THSD7B: variants seen among roughly 807,000 people sequenced by gnomAD.
THSD7B encodes thrombospondin type-1 domain-containing protein 7B.
A neutral mutation model predicts 213.6 loss-of-function variants in THSD7B; 138 were observed. That is an observed-to-expected ratio of 0.65 (90% CI 0.56 to 0.74). The LOEUF is 0.74. Among genes scored for constraint, THSD7B ranks in the 30% least tolerant of loss-of-function variants. The pLI, the probability that THSD7B is intolerant of heterozygous loss-of-function variation, is 0.00. For missense variants in THSD7B, 1,931 were observed against 1,991.5 expected (o/e 0.97, Z 0.58); for synonymous variants, 742 against 687.0 (o/e 1.08, Z -1.25).
intron 12 of THSD7B, among the ~76,000 whole-genome samples, chr2:137,296,237 T>C (rs16838682): frequency 0.027 from 4,078 of 152,282 alleles, 213 homozygotes; most frequent in African/African-American, 0.092. Flanking sequence ...GAATCCTTTG[T>C]TTTATGCTCA....
chr2:137,147,322 C>T (rs1465294630), intron 5 of THSD7B, among the ~76,000 whole-genome samples: 1 of 152,138 alleles, frequency 6.6e-6, no homozygotes, highest in Non-Finnish European at 1.5e-5. Flanking sequence ...ACTCTTGTTC[C>T]TGTCACTTCT....
chr2:136,844,235 C>A (rs1356577943), intron 1 of THSD7B, among the ~76,000 whole-genome samples: 1 of 152,050 alleles, frequency 6.6e-6, no homozygotes, highest in Non-Finnish European at 1.5e-5. Context: ...AGTGGAGAAG[C>A]CAATCAGTGG....
intron 21 of THSD7B, among the ~76,000 whole-genome samples, chr2:137,649,899 C>G (rs1278478536): frequency 6.6e-6 from 1 of 151,640 alleles, no homozygotes; most frequent in Non-Finnish European, 1.5e-5. Context: ...AGTTTGAGAC[C>G]AGCTTGGGTA....
intron 15 of THSD7B, among the ~76,000 whole-genome samples, chr2:137,457,080 C>T (rs1359717312): frequency 3.3e-5 from 5 of 152,016 alleles, no homozygotes; most frequent in African/African-American, 1.2e-4. Context: ...TTGTTTTTTT[C>T]TCCTCAAGAG....
chr2:136,792,164 T>C (rs553525374), intron 1 of THSD7B, among the ~76,000 whole-genome samples: 1 of 152,198 alleles, frequency 6.6e-6, no homozygotes, highest in African/African-American at 2.4e-5. Context: ...TTGAAATTCC[T>C]GGATTCAATC....
intron 2 of THSD7B, among the ~76,000 whole-genome samples, chr2:136,996,295 C>T (rs1178750751): frequency 6.6e-6 from 1 of 151,894 alleles, no homozygotes; most frequent in African/African-American, 2.4e-5. Context: ...AGACTGGTCT[C>T]TCTCTCTGTC....
At chr2:137,393,403 G>A (rs372693466) in intron 12 of THSD7B, among the ~76,000 whole-genome samples, 32,116 of 147,660 alleles carry the variant, frequency 0.22, 3,628 homozygotes, top group South Asian at 0.25. Context: ...GAGTGAGAAT[G>A]TGCGGTGTTT....
chr2:136,791,340 G>T (rs1218658083), intron 1 of THSD7B, among the ~76,000 whole-genome samples: 1 of 151,646 alleles, frequency 6.6e-6, no homozygotes, highest in African/African-American at 2.4e-5. Context: ...AAAAAACAGG[G>T]TTTTTAAAAA....
At chr2:137,530,974 A>G (rs1329928555) in intron 15 of THSD7B, among the ~76,000 whole-genome samples, 1 of 152,016 alleles carries the variant, frequency 6.6e-6, no homozygotes, top group Non-Finnish European at 1.5e-5. Flanking sequence ...CGAATATCTA[A>G]ACACACAATC....
chr2:137,425,496 C>T (rs540382096), intron 14 of THSD7B, among the ~76,000 whole-genome samples: 1 of 152,078 alleles, frequency 6.6e-6, no homozygotes, highest in Non-Finnish European at 1.5e-5. Context: ...GGATTACAGG[C>T]GTGAGCCCCT....
intron 5 of THSD7B, among the ~76,000 whole-genome samples, chr2:137,144,359 T>G (rs1679649559): frequency 6.6e-6 from 1 of 152,102 alleles, no homozygotes; most frequent in Admixed American, 6.6e-5. Flanking sequence ...AGTATTTCAT[T>G]TAGAATTGAA....
intron 15 of THSD7B, among the ~76,000 whole-genome samples, chr2:137,478,792 T>C (rs1688244669): frequency 6.6e-6 from 1 of 152,164 alleles, no homozygotes; most frequent in African/African-American, 2.4e-5. Context: ...CCTGGGTGCA[T>C]AGTATAGTTT....
At chr2:136,810,761 A>C (rs1188692003) in intron 1 of THSD7B, among the ~76,000 whole-genome samples, 1 of 152,200 alleles carries the variant, frequency 6.6e-6, no homozygotes, top group African/African-American at 2.4e-5. Context: ...TGCTCCCTGA[A>C]GGCATGCTTC....
chr2:137,236,887 G>C (rs1478983632), intron 9 of THSD7B, among the ~76,000 whole-genome samples: 16 of 152,126 alleles, frequency 1.1e-4, no homozygotes, highest in Admixed American at 1.0e-3. Flanking sequence ...GAGGCAGGTG[G>C]ATCACCTGAG....
At chr2:137,656,691 C>A in intron 22 of THSD7B, 105 bp from the exon 23 acceptor site, 1 of 1,042,570 alleles carries the variant, frequency 9.6e-7, no homozygotes, top group African/African-American at 1.6e-5. Context: ...GTATCAGGAA[C>A]TGCATGTATC....
intron 12 of THSD7B, among the ~76,000 whole-genome samples, chr2:137,314,128 T>A (rs1573954954): frequency 6.6e-6 from 1 of 152,232 alleles, no homozygotes. Flanking sequence ...ATTCTCCCCA[T>A]CACTTTCAGG....
chr2:137,583,831 G>A (rs1201590802), intron 17 of THSD7B, among the ~76,000 whole-genome samples: 1 of 152,104 alleles, frequency 6.6e-6, no homozygotes, highest in Non-Finnish European at 1.5e-5. Context: ...GCTCTTTTTT[G>A]GTTCCATATG....
chr2:136,912,523 C>CATA (rs1378631187), intron 2 of THSD7B, among the ~76,000 whole-genome samples: 1 of 151,938 alleles, frequency 6.6e-6, no homozygotes, highest in African/African-American at 2.4e-5. Context: ...GTAAATAGGT[C>CATA]ATAATAATAT....
chr2:137,486,791 G>C (rs1307106164), intron 15 of THSD7B, among the ~76,000 whole-genome samples: 1 of 152,166 alleles, frequency 6.6e-6, no homozygotes, highest in East Asian at 1.9e-4. Context: ...CTAACAAACT[G>C]TCTCTCAGAC....
Sources: gnomAD v4.1 joint callset for allele counts (sites outside exome capture counted in the v4.1 genomes callset) on GRCh38, gnomAD v4.1.1 for gene constraint, MANE v1.5 for transcripts, NCBI Gene and HGNC (gene_info 2026-07-23, HGNC 2026-07-21) for gene names.